The following FGF14 variants were observed in gnomAD, a reference collection of about 807,000 sequenced individuals.
The protein encoded by FGF14 is fibroblast growth factor 14, also known as fibroblast growth factor homologous factor 4.
In FGF14, 5 loss-of-function variants were observed where a neutral mutation model predicts 25.5. The ratio of observed to expected loss-of-function variants is 0.20; its 90% CI spans 0.10 to 0.41. The LOEUF is 0.41. Among genes scored for constraint, FGF14 ranks in the 10% least tolerant of loss-of-function variants. FGF14 has a pLI of 1.00. For synonymous variants in FGF14, 138 were observed against 118.3 expected (o/e 1.17, Z -1.08); for missense variants, 222 against 320.1 (o/e 0.69, Z 2.34).
chr13:102,278,627 A>AATATATATAT (rs10578533), intron 1 of FGF14, among the ~76,000 whole-genome samples: 8,268 of 147,338 alleles, frequency 0.056, 301 homozygotes, highest in East Asian at 0.12. Flanking sequence ...CATTTTATGT[A>AATATATATAT]ATATATATAT....
chr13:101,929,077 G>T (rs559817256), intron 1 of FGF14, among the ~76,000 whole-genome samples: 1 of 152,210 alleles, frequency 6.6e-6, no homozygotes, highest in South Asian at 2.1e-4. Flanking sequence ...CGTCTATTGA[G>T]CGCTAACTCT....
chr13:102,203,581 G>A (rs1193266267), intron 1 of FGF14, among the ~76,000 whole-genome samples: 1 of 152,124 alleles, frequency 6.6e-6, no homozygotes, highest in African/African-American at 2.4e-5. Context: ...GAGGATATTA[G>A]TGAAATTTAA....
upstream of FGF14, among the ~76,000 whole-genome samples, chr13:101,920,663 T>A (rs534324772): frequency 3.5e-4 from 54 of 152,254 alleles, no homozygotes; most frequent in African/African-American, 1.3e-3. Context: ...GTATTCCCTA[T>A]GTATATTTCC....
chr13:102,157,657 T>C (rs2047409089), intron 1 of FGF14, among the ~76,000 whole-genome samples: 1 of 152,140 alleles, frequency 6.6e-6, no homozygotes, highest in Admixed American at 6.6e-5. Context: ...AATTGACAAA[T>C]GGGATCTAAT....
chr13:101,962,668 G>A (rs779162044), intron 1 of FGF14, among the ~76,000 whole-genome samples: 32 of 151,890 alleles, frequency 2.1e-4, no homozygotes, highest in Non-Finnish European at 4.1e-4. Context: ...TACACTTTAT[G>A]AATAGCTTCA....
At chr13:101,923,859 T>A (rs1407166646) in intron 1 of FGF14, among the ~76,000 whole-genome samples, 5 of 152,092 alleles carry the variant, frequency 3.3e-5, no homozygotes, top group Non-Finnish European at 1.5e-5. Flanking sequence ...CATTCTTTCC[T>A]ATAGAAGCAA....
chr13:102,161,570 A>AAGAAGAAAGAAG, intron 1 of FGF14, among the ~76,000 whole-genome samples: 2 of 5,656 alleles, frequency 3.5e-4, no homozygotes, highest in Admixed American at 3.9e-3. Context: ...TTCTGTGAAG[A>AAGAAGAAAGAAG]AAGAAAGAAG....
chr13:102,020,348 A>T (rs984533798), intron 1 of FGF14, among the ~76,000 whole-genome samples: 1 of 152,134 alleles, frequency 6.6e-6, no homozygotes, highest in Non-Finnish European at 1.5e-5. Flanking sequence ...CAGGAGTTTG[A>T]GACCAGCCTG....
intron 1 of FGF14, among the ~76,000 whole-genome samples, chr13:102,333,763 G>A (rs917110342): frequency 5.3e-5 from 8 of 152,040 alleles, no homozygotes; most frequent in African/African-American, 1.9e-4. Flanking sequence ...ATTTGATCCA[G>A]GACAAAGAAA....
At chr13:101,792,968 C>G (rs1352888456) in intron 3 of FGF14, among the ~76,000 whole-genome samples, 1 of 152,006 alleles carries the variant, frequency 6.6e-6, no homozygotes, top group East Asian at 1.9e-4. Flanking sequence ...TTAAATCAAG[C>G]TAATTAACTT....
intron 1 of FGF14, among the ~76,000 whole-genome samples, chr13:102,299,337 G>T (rs1444369056): frequency 6.6e-6 from 1 of 152,114 alleles, no homozygotes; most frequent in Non-Finnish European, 1.5e-5. Flanking sequence ...ATCCAGGGGA[G>T]TCAAAATGGA....
intron 3 of FGF14, among the ~76,000 whole-genome samples, chr13:101,750,389 G>C (rs2037193949): frequency 6.6e-6 from 1 of 152,068 alleles, no homozygotes; most frequent in East Asian, 1.9e-4. Flanking sequence ...AGGATGAACT[G>C]ACAATAACCT....
chr13:101,723,087 G>A, intron 4 of FGF14, 120 bp from the exon 5 acceptor site: 1 of 1,165,904 alleles, frequency 8.6e-7, no homozygotes, highest in Non-Finnish European at 1.3e-6. Flanking sequence ...CTGAAGTAAA[G>A]CAATTCCATT....
intron 1 of FGF14, among the ~76,000 whole-genome samples, chr13:102,239,936 T>G (rs180969264): frequency 6.6e-6 from 1 of 152,202 alleles, no homozygotes; most frequent in East Asian, 1.9e-4. Context: ...TCAAGAAATC[T>G]AGAATGTAAT....
At chr13:101,842,280 C>T (rs941124735) in intron 3 of FGF14, among the ~76,000 whole-genome samples, 1 of 152,030 alleles carries the variant, frequency 6.6e-6, no homozygotes, top group African/African-American at 2.4e-5. Context: ...CTCTTTTCCT[C>T]TGCTCTCTTT....
intron 1 of FGF14, among the ~76,000 whole-genome samples, chr13:102,119,200 C>G (rs146378057): frequency 9.0e-4 from 137 of 152,304 alleles, no homozygotes; most frequent in African/African-American, 3.1e-3. Flanking sequence ...CAAGCATTTA[C>G]GCTTACCTTC....
chr13:101,949,401 C>T (rs2036015664), intron 1 of FGF14, among the ~76,000 whole-genome samples: 1 of 152,116 alleles, frequency 6.6e-6, no homozygotes, highest in Non-Finnish European at 1.5e-5. Context: ...TTCCTGAGTG[C>T]TTCTCACAGC....
At chr13:102,047,888 C>T (rs1452582294) in intron 1 of FGF14, among the ~76,000 whole-genome samples, 1 of 152,162 alleles carries the variant, frequency 6.6e-6, no homozygotes, top group East Asian at 1.9e-4. Flanking sequence ...TTTAAACCCA[C>T]TTTTCATGCC....
chr13:102,074,547 C>A (rs1385766524), intron 1 of FGF14, among the ~76,000 whole-genome samples: 2 of 152,044 alleles, frequency 1.3e-5, no homozygotes, highest in South Asian at 4.2e-4. Context: ...TACATCTTCA[C>A]AAAATATTGA....
Sources: allele counts gnomAD v4.1 joint callset (sites outside exome capture counted in the v4.1 genomes callset), GRCh38; gene constraint gnomAD v4.1.1; transcripts MANE v1.5; gene names NCBI Gene and HGNC (gene_info 2026-07-23, HGNC 2026-07-21).